The following FRMD4A variants were observed in gnomAD, a reference collection of about 807,000 sequenced individuals.
FRMD4A encodes FERM domain-containing protein 4A.
Under a neutral mutation model 129.1 loss-of-function variants are expected in FRMD4A, and 29 were observed. The observed-to-expected ratio is 0.22, with a 90% CI of 0.17 to 0.31. The LOEUF (loss-of-function observed/expected upper bound fraction) is 0.31, where lower values mean the gene tolerates loss of function less well. FRMD4A is among the 10% of genes least tolerant of loss of function. The pLI is 1.00. For missense variants in FRMD4A, 1,272 were observed against 1,375.8 expected, an observed-to-expected ratio of 0.92 and a Z score of 1.19; for synonymous variants, 634 against 571.6, an observed-to-expected ratio of 1.11 and a Z score of -1.56.
intron 2 of FRMD4A, among the ~76,000 whole-genome samples, chr10:14,185,435 G>C (rs1050458054): frequency 2.0e-5 from 3 of 152,244 alleles, no homozygotes; most frequent in African/African-American, 2.4e-5. Flanking sequence ...AGCTAGTACA[G>C]ATGAGGATGT....
At chr10:13,930,751 T>C (rs2095185200) in intron 2 of FRMD4A, among the ~76,000 whole-genome samples, 1 of 152,206 alleles carries the variant, frequency 6.6e-6, no homozygotes, top group South Asian at 2.1e-4. Context: ...CAAAAGAGCC[T>C]TTAATTGCTA....
intron 6 of FRMD4A, among the ~76,000 whole-genome samples, chr10:13,781,701 T>C (rs915934893): frequency 3.9e-5 from 6 of 152,262 alleles, no homozygotes; most frequent in African/African-American, 1.2e-4. Flanking sequence ...CTTGAGGCCA[T>C]TATGCTAGGT....
intron 2 of FRMD4A, among the ~76,000 whole-genome samples, chr10:14,258,911 C>T (rs1451328609): frequency 6.6e-6 from 1 of 152,086 alleles, no homozygotes; most frequent in Admixed American, 6.5e-5. Context: ...AAAAAGAGTA[C>T]ATGTTGCATG....
intron 12 of FRMD4A, among the ~76,000 whole-genome samples, chr10:13,719,470 G>T (rs1159883849): frequency 6.6e-6 from 1 of 151,944 alleles, no homozygotes; most frequent in African/African-American, 2.4e-5. Context: ...AGGCAGGTAG[G>T]ACCCCGACTG....
chr10:13,730,264 C>T (rs1175361945), intron 12 of FRMD4A, among the ~76,000 whole-genome samples: 1 of 152,206 alleles, frequency 6.6e-6, no homozygotes, highest in Non-Finnish European at 1.5e-5. Flanking sequence ...TTTGTCCAGA[C>T]TTACTTATAT....
intron 2 of FRMD4A, among the ~76,000 whole-genome samples, chr10:13,896,506 C>G (rs1308214144): frequency 6.6e-6 from 1 of 151,980 alleles, no homozygotes; most frequent in African/African-American, 2.4e-5. Context: ...ACATCACACA[C>G]CAGGGCCTGT....
intron 2 of FRMD4A, among the ~76,000 whole-genome samples, chr10:14,181,719 C>G (rs1432412739): frequency 6.6e-6 from 1 of 152,110 alleles, no homozygotes; most frequent in Non-Finnish European, 1.5e-5. Context: ...GAGATAGGGT[C>G]TCACTCTGTT....
intron 2 of FRMD4A, among the ~76,000 whole-genome samples, chr10:14,178,381 G>C (rs77529877): frequency 0.018 from 2,748 of 152,262 alleles, 77 homozygotes; most frequent in African/African-American, 0.063. Flanking sequence ...CTTCAAGCCA[G>C]GTTCTGTGTT....
At chr10:13,982,778 C>G (rs899222358) in intron 2 of FRMD4A, among the ~76,000 whole-genome samples, 15 of 152,160 alleles carry the variant, frequency 9.9e-5, no homozygotes, top group Non-Finnish European at 2.1e-4. Context: ...GCTCCTGTGT[C>G]GCATAAAAGT....
chr10:14,124,902 A>G (rs2131816709), intron 2 of FRMD4A, among the ~76,000 whole-genome samples: 1 of 152,232 alleles, frequency 6.6e-6, no homozygotes, highest in Middle Eastern at 3.4e-3. Flanking sequence ...TTCCTTGGTG[A>G]CCCATGATAA....
intron 12 of FRMD4A, among the ~76,000 whole-genome samples, chr10:13,719,512 A>C (rs940490245): frequency 6.6e-6 from 1 of 152,098 alleles, no homozygotes; most frequent in Non-Finnish European, 1.5e-5. Flanking sequence ...GCAGGTGCCG[A>C]TTCACAGCCC....
Position 13,789,558 on chromosome 10 carries a change from CCACACACACACACA to C in FRMD4A, c.300-6566_300-6553del, listed in dbSNP as rs3220780. ...GCACAAAGTTGTGCCTATGAAAAGA[CCACACACACACACA>C]CACACACACACACACACATGACGCA... On this transcript the variant is annotated intron_variant, in intron 5 of 24. Transcript: ENST00000357447. 7.7e-3 allele frequency among the ~76,000 whole-genome samples: 1,108 copies of C among 144,786 alleles called. 17 individuals are homozygous for C. The highest frequency in any genetic ancestry group is 0.027 in the African/African-American group (1,060 of 39,240). 95.0% of individuals were successfully genotyped at this position (144,786 alleles called of 152,430 possible).
rs148471453 is a variant in FRMD4A at position 14,217,519 on chromosome 10, C to T, written c.45+112539G>A. Reference sequence around the variant, plus strand: ...TTCACCTTCTGCCATGATTGTCAGGCCTCCCCAGCGATGTGGAACTGTGAG... The same window carrying T: ...TTCACCTTCTGCCATGATTGTCAGGTCTCCCCAGCGATGTGGAACTGTGAG... On this transcript the variant is annotated intron_variant, in intron 2 of 24. Coordinates refer to ENST00000357447, the MANE Select transcript of FRMD4A (RefSeq NM_018027.5). 1.1e-3 allele frequency among the ~76,000 whole-genome samples: 171 copies of T among 152,318 alleles called. 1 individual carries two copies. Among genetic ancestry groups the T allele is most frequent in the African/African-American group, 4.0e-3 (165 of 41,574 alleles).
At chr10:14,050,146 T>C (rs1834191753) in intron 2 of FRMD4A, among the ~76,000 whole-genome samples, 1 of 152,158 alleles carries the variant, frequency 6.6e-6, no homozygotes, top group South Asian at 2.1e-4. Context: ...TGAGTTATCG[T>C]GAGGATTAAA....
At chr10:13,864,866 C>T (rs1055696861) in intron 2 of FRMD4A, among the ~76,000 whole-genome samples, 32 of 152,182 alleles carry the variant, frequency 2.1e-4, no homozygotes, top group Middle Eastern at 3.2e-3. Context: ...TGTGAGCCAC[C>T]GCACCTGGCC....
intron 2 of FRMD4A, among the ~76,000 whole-genome samples, chr10:14,224,838 T>G (rs1014640780): frequency 6.6e-6 from 1 of 152,252 alleles, no homozygotes; most frequent in Non-Finnish European, 1.5e-5. Context: ...TTGTCAACTT[T>G]TTTTGTAAGT....
At chr10:14,105,009 G>T (rs1393870775) in intron 2 of FRMD4A, among the ~76,000 whole-genome samples, 1 of 152,178 alleles carries the variant, frequency 6.6e-6, no homozygotes, top group East Asian at 1.9e-4. Flanking sequence ...TCTGGTCACG[G>T]GGTCCCCACG....
intron 2 of FRMD4A, among the ~76,000 whole-genome samples, chr10:14,252,959 A>G (rs535093351): frequency 1.5e-3 from 234 of 152,198 alleles, no homozygotes; most frequent in Admixed American, 3.7e-3. Flanking sequence ...TTCTTCATTC[A>G]TTTATATCAG....
rs139978320 is a variant in FRMD4A, at chr10:13,667,071, C to T, written c.1375-746G>A. Among the ~76,000 whole-genome samples the T allele has an allele frequency of 2.5e-3, 376 of 152,246 alleles. 2 individuals carry two copies. Among genetic ancestry groups the T allele is most frequent in the African/African-American group, 8.5e-3 (351 of 41,536 alleles). ...AGATTACAGGCACCTGCCACCACAC[C>T]TTGCTAACTTTTGTATTTTTAGTAG... On this transcript the variant is annotated intron_variant, in intron 17 of 24. Coordinates refer to ENST00000357447, the MANE Select transcript of FRMD4A (RefSeq NM_018027.5).
Sources: gnomAD v4.1 joint callset for allele counts (sites outside exome capture counted in the v4.1 genomes callset) on GRCh38, gnomAD v4.1.1 for gene constraint, MANE v1.5 for transcripts, NCBI Gene and HGNC (gene_info 2026-07-23, HGNC 2026-07-21) for gene names.